AGBL4: variants seen among roughly 807,000 people sequenced by gnomAD.
The protein encoded by AGBL4 is cytosolic carboxypeptidase 6.
Under a neutral mutation model 66.4 loss-of-function variants are expected in AGBL4, and 58 were observed. The ratio of observed to expected loss-of-function variants is 0.87; its 90% CI spans 0.71 to 1.09. The LOEUF (loss-of-function observed/expected upper bound fraction) is 1.09. Ranked by LOEUF, AGBL4 falls within the 50% of genes least tolerant of loss-of-function variation. The pLI is 0.00. For missense variants in AGBL4, 579 were observed against 631.0 expected, an observed-to-expected ratio of 0.92 and a Z score of 0.88; for synonymous variants, 234 against 222.9, an observed-to-expected ratio of 1.05 and a Z score of -0.44.
At chr1:49,795,270 A>C (rs1644702007) in intron 2 of AGBL4, among the ~76,000 whole-genome samples, 1 of 152,006 alleles carries the variant, frequency 6.6e-6, no homozygotes, top group African/African-American at 2.4e-5. Context: ...AAAGGAAGAC[A>C]TTAACAAATG....
chr1:48,738,959 T>C (rs1490806546), intron 6 of AGBL4, among the ~76,000 whole-genome samples: 3 of 152,250 alleles, frequency 2.0e-5, no homozygotes, highest in Admixed American at 2.0e-4. Flanking sequence ...TAACTTTTCC[T>C]AAGGTACACA....
intron 9 of AGBL4, among the ~76,000 whole-genome samples, chr1:48,620,428 C>T (rs940456555): frequency 2.0e-5 from 3 of 152,062 alleles, no homozygotes; most frequent in African/African-American, 7.2e-5. Context: ...AGGTGCGCAC[C>T]ATCATGCTCG....
chr1:48,690,121 C>G (rs1405635272), intron 6 of AGBL4, among the ~76,000 whole-genome samples: 1 of 152,236 alleles, frequency 6.6e-6, no homozygotes, highest in Non-Finnish European at 1.5e-5. Flanking sequence ...TGGCCCAGGC[C>G]TGGTTCTCAG....
chr1:49,095,360 C>T (rs998874523), intron 4 of AGBL4, among the ~76,000 whole-genome samples: 5 of 152,166 alleles, frequency 3.3e-5, no homozygotes, highest in South Asian at 2.1e-4. Flanking sequence ...GAACCAAAAA[C>T]GAGCCCACAT....
chr1:49,211,526 G>T (rs1459759034), intron 4 of AGBL4, among the ~76,000 whole-genome samples: 1 of 152,000 alleles, frequency 6.6e-6, no homozygotes, highest in African/African-American at 2.4e-5. Flanking sequence ...ACAGTTCTTG[G>T]TAACTAAAAA....
chr1:48,548,895 C>A (rs568199172), intron 11 of AGBL4, among the ~76,000 whole-genome samples: 11 of 152,318 alleles, frequency 7.2e-5, no homozygotes, highest in African/African-American at 2.2e-4. Context: ...TTTATTCTCT[C>A]ATTTGTTCAT....
chr1:49,230,210 T>G (rs1344148238), intron 4 of AGBL4, among the ~76,000 whole-genome samples: 1 of 152,172 alleles, frequency 6.6e-6, no homozygotes. Context: ...GGCAGATCAT[T>G]TCTCCTCTCT....
intron 5 of AGBL4, among the ~76,000 whole-genome samples, chr1:49,036,370 A>G (rs1664650508): frequency 6.6e-6 from 1 of 152,082 alleles, no homozygotes; most frequent in Non-Finnish European, 1.5e-5. Flanking sequence ...GTAGTTTTAT[A>G]TTCAGTGCTA....
intron 4 of AGBL4, among the ~76,000 whole-genome samples, chr1:49,106,387 T>C (rs919363305): frequency 7.9e-5 from 12 of 152,306 alleles, no homozygotes; most frequent in Admixed American, 6.5e-4. Flanking sequence ...TCTGAGTATG[T>C]TCATTTTGAA....
intron 4 of AGBL4, among the ~76,000 whole-genome samples, chr1:49,082,560 A>C (rs1644826858): frequency 6.6e-6 from 1 of 152,194 alleles, no homozygotes. Context: ...CTGTAAGAAC[A>C]GTAAGGGGAA....
At chr1:49,259,811 T>C (rs1416595222) in intron 3 of AGBL4, among the ~76,000 whole-genome samples, 3 of 119,974 alleles carry the variant, frequency 2.5e-5, no homozygotes, top group East Asian at 2.4e-4. Context: ...GCGGACCTAA[T>C]AGACATCTAC....
chr1:49,063,753 A>T (rs774811095), intron 4 of AGBL4, among the ~76,000 whole-genome samples: 3 of 152,204 alleles, frequency 2.0e-5, no homozygotes, highest in Non-Finnish European at 4.4e-5. Context: ...CTGATGAGGT[A>T]ACATTTGAAT....
chr1:48,835,560 A>G (rs1352110185), intron 6 of AGBL4, among the ~76,000 whole-genome samples: 1 of 152,184 alleles, frequency 6.6e-6, no homozygotes, highest in African/African-American at 2.4e-5. Flanking sequence ...GTTGAGATAC[A>G]AATGATGTGT....
chr1:49,344,709 G>A (rs1423501195), intron 3 of AGBL4, among the ~76,000 whole-genome samples: 4 of 152,098 alleles, frequency 2.6e-5, no homozygotes, highest in South Asian at 2.1e-4. Context: ...ATTAAGACTA[G>A]ATAGATTTGT....
At chr1:49,332,163 T>C (rs1392045372) in intron 3 of AGBL4, among the ~76,000 whole-genome samples, 1 of 152,198 alleles carries the variant, frequency 6.6e-6, no homozygotes, top group Non-Finnish European at 1.5e-5. Flanking sequence ...TGTCTACTTA[T>C]TCAGGATGAA....
At chr1:48,754,836 A>G (rs994925735) in intron 6 of AGBL4, among the ~76,000 whole-genome samples, 7 of 152,218 alleles carry the variant, frequency 4.6e-5, no homozygotes, top group Middle Eastern at 3.4e-3. Context: ...GGAAAAATGA[A>G]GTCTAAGAGC....
intron 6 of AGBL4, among the ~76,000 whole-genome samples, chr1:48,709,584 C>CACTATTATTATTATTATT (rs1646931695): frequency 7.0e-6 from 1 of 141,898 alleles, no homozygotes; most frequent in Non-Finnish European, 1.5e-5. Context: ...ATTTGCCAGG[C>CACTATTATTATTATTATT]ATTATTATTA....
At chr1:49,297,202 C>G (rs1644660745) in intron 3 of AGBL4, among the ~76,000 whole-genome samples, 1 of 152,156 alleles carries the variant, frequency 6.6e-6, no homozygotes, top group Admixed American at 6.6e-5. Flanking sequence ...ATTTTTAAAA[C>G]ATTTATTGAG....
At chr1:50,009,240 C>T (rs1341064894) in intron 1 of AGBL4, among the ~76,000 whole-genome samples, 1 of 151,996 alleles carries the variant, frequency 6.6e-6, no homozygotes, top group Non-Finnish European at 1.5e-5. Context: ...CCCTGATTAA[C>T]AGAAATTGAT....
Sources: gnomAD v4.1 joint callset for allele counts (sites outside exome capture counted in the v4.1 genomes callset) on GRCh38, gnomAD v4.1.1 for gene constraint, MANE v1.5 for transcripts, NCBI Gene and HGNC (gene_info 2026-07-23, HGNC 2026-07-21) for gene names.